DOK6: variants seen among roughly 807,000 people sequenced by gnomAD.
DOK6 encodes the protein downstream of tyrosine kinase 6.
In DOK6, 22 loss-of-function variants were observed where a neutral mutation model predicts 44.0. The observed-to-expected ratio is 0.50, with a 90% CI of 0.36 to 0.71. The LOEUF (loss-of-function observed/expected upper bound fraction) is 0.71, where lower values mean the gene tolerates loss of function less well. Ranked by LOEUF, DOK6 falls within the 30% of genes least tolerant of loss-of-function variation. DOK6 has a pLI of 0.00. For synonymous variants in DOK6, 166 were observed against 145.5 expected, an observed-to-expected ratio of 1.14 and a Z score of -1.01; for missense variants, 340 against 416.4, an observed-to-expected ratio of 0.82 and a Z score of 1.60.
intron 3 of DOK6, among the ~76,000 whole-genome samples, chr18:69,623,485 G>A (rs1183590698): frequency 1.3e-5 from 2 of 152,072 alleles, no homozygotes; most frequent in Non-Finnish European, 1.5e-5. Context: ...AATAATTATT[G>A]AACATCTATA....
intron 3 of DOK6, among the ~76,000 whole-genome samples, chr18:69,620,655 C>T (rs1984418785): frequency 6.6e-6 from 1 of 152,082 alleles, no homozygotes; most frequent in Non-Finnish European, 1.5e-5. Context: ...ATCAAAAGTA[C>T]AATGTCTGGC....
chr18:69,445,242 T>C (rs1461492006), intron 1 of DOK6, among the ~76,000 whole-genome samples: 3 of 152,230 alleles, frequency 2.0e-5, no homozygotes, highest in Admixed American at 6.5e-5. Flanking sequence ...AGATTACCTA[T>C]GTATATTATT....
chr18:69,573,051 G>A (rs1425573389), intron 2 of DOK6, among the ~76,000 whole-genome samples: 1 of 151,422 alleles, frequency 6.6e-6, no homozygotes, highest in African/African-American at 2.4e-5. Context: ...CTAGTAAGCA[G>A]GAAATGTGAT....
chr18:69,736,469 T>C lies in DOK6; in HGVS notation c.600-2496T>C, dbSNP rs565365995. On this transcript the variant is annotated intron_variant, in intron 5 of 7. Coordinates refer to ENST00000382713, the MANE Select transcript of DOK6 (RefSeq NM_152721.6). ...CCTATTTTAGATAAGAAAAAAAACA[T>C]TCATTTTGTACAAAGACATTGTTAG... Among the ~76,000 whole-genome samples, 8 of 152,278 alleles carry C rather than the reference T, an allele frequency of 5.3e-5. No homozygotes were observed. The South Asian group carries it at 1.7e-3, about 32-fold the overall frequency.
At chr18:69,632,112 T>C (rs529481439) in intron 3 of DOK6, among the ~76,000 whole-genome samples, 5 of 152,216 alleles carry the variant, frequency 3.3e-5, no homozygotes, top group Non-Finnish European at 7.3e-5. Flanking sequence ...AATGCATTTG[T>C]ATTTCCCTTG....
At chr18:69,732,712 A>G (rs1244111833) in intron 5 of DOK6, among the ~76,000 whole-genome samples, 1 of 152,204 alleles carries the variant, frequency 6.6e-6, no homozygotes, top group Non-Finnish European at 1.5e-5. Context: ...GAAGAATTGT[A>G]GAGTTTGAGT....
chr18:69,581,203 G>A (rs561792514), intron 2 of DOK6, among the ~76,000 whole-genome samples: 12 of 152,216 alleles, frequency 7.9e-5, no homozygotes, highest in African/African-American at 2.6e-4. Context: ...CTTGGAGGAC[G>A]TTTTAGAATT....
At chr18:69,622,918 G>A (rs767446942) in intron 3 of DOK6, among the ~76,000 whole-genome samples, 3 of 152,186 alleles carry the variant, frequency 2.0e-5, no homozygotes, top group Non-Finnish European at 4.4e-5. Context: ...ACACGGAAGT[G>A]AAATAAACCC....
intron 5 of DOK6, among the ~76,000 whole-genome samples, chr18:69,704,071 C>G (rs34197256): frequency 0.047 from 7,124 of 152,258 alleles, 177 homozygotes; most frequent in African/African-American, 0.058. Flanking sequence ...CTCCAGCCTC[C>G]AGAGTGAGAA....
intron 1 of DOK6, among the ~76,000 whole-genome samples, chr18:69,446,270 T>C (rs1306242623): frequency 1.4e-5 from 2 of 141,748 alleles, no homozygotes; most frequent in Non-Finnish European, 3.0e-5. Context: ...AGTGTTCTCA[T>C]TGTTCAATTC....
chr18:69,757,238 G>A (rs1979385404), intron 6 of DOK6, among the ~76,000 whole-genome samples: 1 of 152,182 alleles, frequency 6.6e-6, no homozygotes, highest in Non-Finnish European at 1.5e-5. Context: ...TATCCATTGT[G>A]TAAGGTTGGG....
At chr18:69,501,901 T>G (rs1267680004) in intron 1 of DOK6, among the ~76,000 whole-genome samples, 1 of 152,040 alleles carries the variant, frequency 6.6e-6, no homozygotes, top group Non-Finnish European at 1.5e-5. Context: ...TCATTGTTAT[T>G]ATGATCACAT....
At chr18:69,534,900 T>A (rs1411811168) in intron 1 of DOK6, among the ~76,000 whole-genome samples, 1 of 152,156 alleles carries the variant, frequency 6.6e-6, no homozygotes, top group African/African-American at 2.4e-5. Context: ...TTATAAAGAC[T>A]TTTGAACGTT....
chr18:69,701,270 C>T (rs1269978179), intron 5 of DOK6, among the ~76,000 whole-genome samples: 1 of 152,196 alleles, frequency 6.6e-6, no homozygotes, highest in Non-Finnish European at 1.5e-5. Flanking sequence ...TCATCCTCAG[C>T]GCAGCATGGC....
At chr18:69,539,306 G>A (rs1286370960) in intron 1 of DOK6, among the ~76,000 whole-genome samples, 3 of 152,136 alleles carry the variant, frequency 2.0e-5, no homozygotes, top group South Asian at 2.1e-4. Context: ...CGTGAATTGC[G>A]AAGTTTGTCT....
At chr18:69,747,022 C>T (rs948691775) in intron 6 of DOK6, among the ~76,000 whole-genome samples, 2 of 152,144 alleles carry the variant, frequency 1.3e-5, no homozygotes, top group Admixed American at 6.5e-5. Context: ...TCTCATTAGC[C>T]GTGTCACCAT....
intron 1 of DOK6, among the ~76,000 whole-genome samples, chr18:69,459,871 T>C (rs1979739973): frequency 1.3e-5 from 2 of 152,246 alleles, no homozygotes; most frequent in Admixed American, 1.3e-4. Context: ...TTTGGTGTTA[T>C]ATGTGTGGGT....
At chr18:69,512,462 G>C (rs1472899710) in intron 1 of DOK6, among the ~76,000 whole-genome samples, 1 of 149,130 alleles carries the variant, frequency 6.7e-6, no homozygotes, top group Non-Finnish European at 1.5e-5. Flanking sequence ...TCCTACCTCA[G>C]CCTCCTGAAT....
At chr18:69,782,543 T>C (rs568396136) in intron 7 of DOK6, among the ~76,000 whole-genome samples, 3 of 151,650 alleles carry the variant, frequency 2.0e-5, no homozygotes, top group African/African-American at 7.2e-5. Flanking sequence ...TTCATGCATC[T>C]TCCTGAAGAA....
Sources: gnomAD v4.1 joint callset for allele counts (sites outside exome capture counted in the v4.1 genomes callset) on GRCh38, gnomAD v4.1.1 for gene constraint, MANE v1.5 for transcripts, NCBI Gene and HGNC (gene_info 2026-07-23, HGNC 2026-07-21) for gene names.